The following CHL1 variants were observed in gnomAD, a reference collection of about 807,000 sequenced individuals.
The protein encoded by CHL1 is neural cell adhesion molecule L1-like protein.
CHL1 carries 96 observed loss-of-function variants against 141.9 expected under a neutral mutation model. The observed-to-expected ratio is 0.68, with a 90% CI of 0.57 to 0.80. CHL1 has a LOEUF of 0.80. Among genes scored for constraint, CHL1 ranks in the 30% least tolerant of loss-of-function variants. The pLI, the probability that CHL1 is intolerant of heterozygous loss-of-function variation, is 0.00. For synonymous variants in CHL1, 613 were observed against 502.2 expected (o/e 1.22, Z -2.95); for missense variants, 1,820 against 1,457.2 (o/e 1.25, Z -4.05).
chr3:369,150 G>C (rs1705291473), intron 15 of CHL1, among the ~76,000 whole-genome samples: 1 of 152,024 alleles, frequency 6.6e-6, no homozygotes, highest in Admixed American at 6.6e-5. Context: ...ATGGTAGTTT[G>C]ATGGGAATAG....
intron 2 of CHL1, among the ~76,000 whole-genome samples, chr3:254,346 A>G (rs1693968076): frequency 6.6e-6 from 1 of 152,158 alleles, no homozygotes; most frequent in African/African-American, 2.4e-5. Flanking sequence ...TGCTATGGTA[A>G]TTTTCAAATA....
intron 4 of CHL1, among the ~76,000 whole-genome samples, chr3:326,676 A>G (rs910752420): frequency 7.9e-5 from 12 of 151,872 alleles, no homozygotes; most frequent in African/African-American, 2.9e-4. Context: ...GAAGAAAAAA[A>G]TGTGGATGTA....
Position 394,756 on chromosome 3 carries a change from G to C in CHL1, c.2978G>C (p.Ser993Thr), listed in dbSNP as rs565877790. ...DINITTPSKPSWHLSNLNATT... is the reference protein window; with the variant it reads ...DINITTPSKPTWHLSNLNATT... ...AACATTACAACTCCATCAAAGCCCA[G>C]CTGGCACCTCTCAAACCTGAATGCA... is the stretch of plus-strand genomic sequence containing the variant. Residue 993 changes from serine (S) to threonine (T), a missense_variant, in exon 24 of 28, where the codon AGC becomes ACC. By Grantham distance (58) the Ser-to-Thr change is moderately conservative. Coordinates refer to ENST00000256509, the MANE Select transcript of CHL1 (RefSeq NM_006614.4). 2.5e-6 allele frequency: 4 copies of C among 1,613,756 alleles called. No individual in the cohort carries two copies. The highest frequency in any genetic ancestry group is 2.2e-5 in the South Asian group (2 of 91,072).
chr3:364,396 T>A (rs1481434067), intron 14 of CHL1, among the ~76,000 whole-genome samples: 8 of 152,198 alleles, frequency 5.3e-5, no homozygotes, highest in African/African-American at 1.7e-4. Context: ...ATTGTTTTTA[T>A]ACTTCAAAAA....
chr3:312,179 C>G (rs1409440479), intron 2 of CHL1, among the ~76,000 whole-genome samples: 2 of 152,122 alleles, frequency 1.3e-5, no homozygotes, highest in Non-Finnish European at 2.9e-5. Context: ...TATCCCACAT[C>G]ATTATTAACT....
intron 7 of CHL1, among the ~76,000 whole-genome samples, chr3:342,537 T>C (rs1702421761): frequency 6.6e-6 from 1 of 152,144 alleles, no homozygotes; most frequent in Non-Finnish European, 1.5e-5. Context: ...GAGGCCAGCC[T>C]GGGTTCCCAA....
At chr3:390,311 G>A (rs188135658) in intron 20 of CHL1, among the ~76,000 whole-genome samples, 1 of 152,192 alleles carries the variant, frequency 6.6e-6, no homozygotes, top group Non-Finnish European at 1.5e-5. Context: ...AAGTCCCTTA[G>A]AACAGTGCCT....
intron 27 of CHL1, among the ~76,000 whole-genome samples, chr3:402,065 C>G (rs1709187045): frequency 6.6e-6 from 1 of 152,222 alleles, no homozygotes; most frequent in South Asian, 2.1e-4. Context: ...TACAGCGTTG[C>G]ACCTGCAAAG....
At chr3:270,297 G>T (rs1010662372) in intron 2 of CHL1, among the ~76,000 whole-genome samples, 3 of 151,912 alleles carry the variant, frequency 2.0e-5, no homozygotes, top group East Asian at 3.9e-4. Flanking sequence ...GCCAATGAGG[G>T]TCTTTGATAA....
At chr3:340,436 T>A (rs946043418) in intron 5 of CHL1, among the ~76,000 whole-genome samples, 1 of 152,128 alleles carries the variant, frequency 6.6e-6, no homozygotes, top group Non-Finnish European at 1.5e-5. Flanking sequence ...GTGAAATCAG[T>A]GTTTGGAGAA....
At chr3:376,831 C>G (rs193231675) in intron 15 of CHL1, among the ~76,000 whole-genome samples, 3 of 152,212 alleles carry the variant, frequency 2.0e-5, no homozygotes, top group Non-Finnish European at 4.4e-5. Flanking sequence ...TCTTGATTAA[C>G]AATTCAAGGT....
intron 1 of CHL1, among the ~76,000 whole-genome samples, chr3:216,851 G>A (rs1167074451): frequency 6.6e-6 from 1 of 152,180 alleles, no homozygotes; most frequent in Non-Finnish European, 1.5e-5. Context: ...CATGATAGAG[G>A]CTCAGAAGCT....
chr3:248,367 A>G (rs1018682075), intron 2 of CHL1: 1 of 152,134 alleles, frequency 6.6e-6, no homozygotes, highest in African/African-American at 2.4e-5. Context: ...AAATCAAAAG[A>G]TTATAGAATG....
intron 15 of CHL1, among the ~76,000 whole-genome samples, chr3:371,279 C>T (rs548485624): frequency 1.3e-5 from 2 of 152,124 alleles, no homozygotes; most frequent in East Asian, 1.9e-4. Context: ...TTTTATGAAT[C>T]TGGGTGCTCC....
chr3:363,523 G>GTT, intron 14 of CHL1, 140 bp downstream of exon 14: 1 of 695,182 alleles, frequency 1.4e-6, no homozygotes, highest in Non-Finnish European at 2.4e-6. Context: ...CCTAGAATGG[G>GTT]TTTCATCTAA....
chr3:308,919 C>A (rs1308370280), intron 2 of CHL1: 5 of 159,326 alleles, frequency 3.1e-5, no homozygotes, highest in Admixed American at 2.6e-4. Flanking sequence ...TGTTCTGGAT[C>A]GTTTTTTGTT....
rs749173831 is a variant in CHL1, at chr3:389,492, A to G, written c.2470+18A>G. 16 of 1,581,070 alleles carry G rather than the reference A, an allele frequency of 1.0e-5. No individual in the cohort carries two copies. In the South Asian group the frequency reaches 1.8e-4, roughly 17 times the overall value. On this transcript the variant is annotated intron_variant, in intron 20 of 27. Transcript: ENST00000256509. Reference sequence around the variant, plus strand: ...AGAAGACTGTAAGTGATGCACCTAAAACTGCTAAGCACGTCAGTAACTGTT... The same window carrying G: ...AGAAGACTGTAAGTGATGCACCTAAGACTGCTAAGCACGTCAGTAACTGTT...
intron 5 of CHL1, among the ~76,000 whole-genome samples, chr3:332,661 T>C (rs920694339): frequency 2.0e-5 from 3 of 152,198 alleles, no homozygotes; most frequent in African/African-American, 4.8e-5. Context: ...CATGTCAACC[T>C]GAAAATTGTT....
chr3:396,658 C>T (rs905402632), intron 24 of CHL1, among the ~76,000 whole-genome samples: 3 of 152,028 alleles, frequency 2.0e-5, no homozygotes, highest in Non-Finnish European at 4.4e-5. Context: ...TCTTCACTGT[C>T]GTATGTGTCA....
Sources: gnomAD v4.1 joint callset for allele counts (sites outside exome capture counted in the v4.1 genomes callset) on GRCh38, gnomAD v4.1.1 for gene constraint, MANE v1.5 for transcripts, NCBI Gene and HGNC (gene_info 2026-07-23, HGNC 2026-07-21) for gene names.